Variants in RNGTT observed in about 807,000 individuals in gnomAD.
The protein encoded by RNGTT is RNA guanylyltransferase and 5'-phosphatase.
In RNGTT, 33 loss-of-function variants were observed where a neutral mutation model predicts 79.3. The ratio of observed to expected loss-of-function variants is 0.42; its 90% CI spans 0.32 to 0.56. The LOEUF (loss-of-function observed/expected upper bound fraction) is 0.56, where lower values mean the gene tolerates loss of function less well. Ranked by LOEUF, RNGTT falls within the 20% of genes least tolerant of loss-of-function variation. RNGTT has a pLI of 0.17. For synonymous variants in RNGTT, 222 were observed against 235.9 expected (o/e 0.94, Z 0.54); for missense variants, 497 against 739.1 (o/e 0.67, Z 3.80).
chr6:88,610,155 A>G lies in RNGTT; in HGVS notation c.*2564T>C, dbSNP rs1771970767. 6.6e-6 allele frequency: 1 copy of G among 152,578 alleles called. No homozygotes were observed. Among genetic ancestry groups the G allele is most frequent in the Non-Finnish European group, 1.5e-5 (1 of 68,042 alleles). The allele number at this position is 152,578 out of a possible 1,614,324, so 9.5% of individuals were successfully genotyped here. A position where few individuals can be genotyped will look rare whatever the true frequency, so the allele number is the denominator to read the frequency against. On this transcript the variant is annotated 3_prime_UTR_variant, in exon 16 of 16. Coordinates refer to ENST00000369485, the MANE Select transcript of RNGTT (RefSeq NM_003800.5). Reference sequence around the variant, plus strand: ...TAGAGGCTTTCCAAGTCTTTATGCTAATCTCTACAAAGCCAGATGGATTAC... The same window carrying G: ...TAGAGGCTTTCCAAGTCTTTATGCTGATCTCTACAAAGCCAGATGGATTAC...
At chr6:88,802,241 C>A (rs570920887) in intron 11 of RNGTT, among the ~76,000 whole-genome samples, 2 of 152,070 alleles carry the variant, frequency 1.3e-5, no homozygotes, top group African/African-American at 4.8e-5. Context: ...TTCCAAGAAC[C>A]CTTAGAGAAT....
intron 1 of RNGTT, among the ~76,000 whole-genome samples, chr6:88,962,490 T>C (rs1201735433): frequency 6.6e-6 from 1 of 151,846 alleles, no homozygotes; most frequent in Admixed American, 6.6e-5. Flanking sequence ...AAAAAAATTA[T>C]GGCCAGGCAC....
intron 11 of RNGTT, among the ~76,000 whole-genome samples, chr6:88,822,830 G>A (rs1325344094): frequency 6.6e-6 from 1 of 152,080 alleles, no homozygotes; most frequent in African/African-American, 2.4e-5. Flanking sequence ...TTTTGACAAA[G>A]GTGTCCAGGA....
At chr6:88,951,002 G>A (rs1000174547) in intron 1 of RNGTT, among the ~76,000 whole-genome samples, 4 of 151,998 alleles carry the variant, frequency 2.6e-5, no homozygotes, top group African/African-American at 7.3e-5. Flanking sequence ...GGGTTTACAG[G>A]TGCCTGCCAC....
chr6:88,881,647 T>C (rs1025524508), intron 8 of RNGTT, among the ~76,000 whole-genome samples: 1 of 152,152 alleles, frequency 6.6e-6, no homozygotes, highest in Non-Finnish European at 1.5e-5. Context: ...CACTGACAGA[T>C]AAAAAGCCCT....
chr6:88,612,891 A>C lies in RNGTT; in HGVS notation c.1631-9T>G. 1.2e-6 allele frequency: 2 copies of C among 1,611,838 alleles called. No homozygotes were observed. Among genetic ancestry groups the C allele is most frequent in the Non-Finnish European group, 1.7e-6 (2 of 1,178,648 alleles). On this transcript the variant is annotated splice_polypyrimidine_tract_variant and intron_variant, in intron 15 of 15. Coordinates refer to ENST00000369485, the MANE Select transcript of RNGTT (RefSeq NM_003800.5). ...GATGCTGTTACACACAGCTGTGGAC[A>C]AAGGGAGACAGGTCTCATGTGAGGG...
chr6:88,927,703 G>A (rs1475823276), intron 4 of RNGTT, among the ~76,000 whole-genome samples: 1 of 149,398 alleles, frequency 6.7e-6, no homozygotes, highest in African/African-American at 2.5e-5. Flanking sequence ...GTGTGGTAGT[G>A]CATGCCTGTA....
At chr6:88,942,534 T>C (rs974257862) in intron 1 of RNGTT, among the ~76,000 whole-genome samples, 1 of 151,900 alleles carries the variant, frequency 6.6e-6, no homozygotes, top group African/African-American at 2.4e-5. Context: ...CACACTCAGC[T>C]AATTTTTTGT....
At chr6:88,719,210 T>C in intron 13 of RNGTT, among the ~76,000 whole-genome samples, 1 of 152,190 alleles carries the variant, frequency 6.6e-6, no homozygotes, top group Non-Finnish European at 1.5e-5. Flanking sequence ...TATCAATAAA[T>C]GCTTACTTAA....
At chr6:88,793,815 C>A (rs1779501269) in intron 12 of RNGTT, among the ~76,000 whole-genome samples, 4 of 152,100 alleles carry the variant, frequency 2.6e-5, no homozygotes, top group Admixed American at 2.6e-4. Context: ...AAAAAGAAAT[C>A]ATGGCAGGAG....
intron 13 of RNGTT, among the ~76,000 whole-genome samples, chr6:88,767,473 C>G (rs748131822): frequency 2.0e-5 from 3 of 151,730 alleles, no homozygotes; most frequent in Non-Finnish European, 4.4e-5. Context: ...CTCAGGAAGC[C>G]TTTAAGTGCC....
intron 14 of RNGTT, among the ~76,000 whole-genome samples, chr6:88,652,475 C>T (rs1421328446): frequency 6.6e-6 from 1 of 152,076 alleles, no homozygotes; most frequent in Non-Finnish European, 1.5e-5. Flanking sequence ...TCTCTTTATT[C>T]CTGTTTTAGA....
At chr6:88,734,663 G>A (rs1317448155) in intron 13 of RNGTT, among the ~76,000 whole-genome samples, 3 of 152,130 alleles carry the variant, frequency 2.0e-5, no homozygotes, top group Non-Finnish European at 4.4e-5. Flanking sequence ...AAGAAGGTTG[G>A]AGTACAGATG....
intron 15 of RNGTT, 54 bp downstream of exon 15, chr6:88,614,218 A>T: frequency 6.3e-7 from 1 of 1,587,248 alleles, no homozygotes; most frequent in Non-Finnish European, 8.6e-7. Context: ...TTTGGGTCTA[A>T]CACCTTAATT....
intron 4 of RNGTT, among the ~76,000 whole-genome samples, chr6:88,915,969 A>C (rs1383824438): frequency 6.6e-6 from 1 of 152,238 alleles, no homozygotes; most frequent in East Asian, 1.9e-4. Context: ...AAAGATCTGA[A>C]CTTTACAAAA....
chr6:88,957,353 T>C (rs1397314907), intron 1 of RNGTT, among the ~76,000 whole-genome samples: 2 of 152,174 alleles, frequency 1.3e-5, no homozygotes, highest in Non-Finnish European at 2.9e-5. Context: ...AACATAGTAC[T>C]GGAAGTCCTC....
intron 8 of RNGTT, among the ~76,000 whole-genome samples, chr6:88,854,345 C>T (rs946810220): frequency 2.0e-4 from 31 of 152,164 alleles, no homozygotes; most frequent in African/African-American, 7.5e-4. Flanking sequence ...ATGAATCCAT[C>T]CTAACAGAGA....
At chr6:88,854,393 G>A (rs1008890089) in intron 8 of RNGTT, among the ~76,000 whole-genome samples, 10 of 152,022 alleles carry the variant, frequency 6.6e-5, no homozygotes, top group Non-Finnish European at 1.3e-4. Context: ...AAACATTGAA[G>A]CCTTTCAAAG....
intron 11 of RNGTT, among the ~76,000 whole-genome samples, chr6:88,805,207 T>A (rs568822880): frequency 9.8e-5 from 15 of 152,322 alleles, no homozygotes; most frequent in Admixed American, 4.6e-4. Context: ...TATGAACTCA[T>A]GTCTTCTTTG....
Sources: gnomAD v4.1 joint callset for allele counts (sites outside exome capture counted in the v4.1 genomes callset) on GRCh38, gnomAD v4.1.1 for gene constraint, MANE v1.5 for transcripts, NCBI Gene and HGNC (gene_info 2026-07-23, HGNC 2026-07-21) for gene names.